The following PLPP1 variants were observed in gnomAD, a reference collection of about 807,000 sequenced individuals.
The protein encoded by PLPP1 is lipid phosphate phosphohydrolase 1a.
In PLPP1, 24 loss-of-function variants were observed where a neutral mutation model predicts 31.2. The ratio of observed to expected loss-of-function variants is 0.77; its 90% CI spans 0.56 to 1.08. The LOEUF (loss-of-function observed/expected upper bound fraction) is 1.08, where lower values mean the gene tolerates loss of function less well. Ranked by LOEUF, PLPP1 falls within the 50% of genes least tolerant of loss-of-function variation. The pLI is 0.00. For synonymous variants in PLPP1, 146 were observed against 126.3 expected (o/e 1.16, Z -1.05); for missense variants, 319 against 342.7 (o/e 0.93, Z 0.55).
intron 1 of PLPP1, among the ~76,000 whole-genome samples, chr5:55,529,468 G>A (rs1740581308): frequency 6.6e-6 from 1 of 151,846 alleles, no homozygotes; most frequent in African/African-American, 2.4e-5. Context: ...GTATATTCTA[G>A]GCTTACAAAT....
At chr5:55,457,641 A>T (rs1038206957) in intron 3 of PLPP1, among the ~76,000 whole-genome samples, 24 of 152,210 alleles carry the variant, frequency 1.6e-4, no homozygotes, top group Non-Finnish European at 1.5e-5. Flanking sequence ...CTGTAATCCC[A>T]GCACTCTGGG....
intron 1 of PLPP1, among the ~76,000 whole-genome samples, chr5:55,478,192 A>G (rs898953469): frequency 6.6e-6 from 1 of 152,138 alleles, no homozygotes; most frequent in African/African-American, 2.4e-5. Flanking sequence ...GTTAGAAACT[A>G]TTCTTAGATT....
Position 55,467,873 on chromosome 5 carries a change from C to T in PLPP1, c.487G>A (p.Gly163Ser). 1 of 1,608,644 alleles carries T rather than the reference C, an allele frequency of 6.2e-7. No individual in the cohort carries two copies. The highest frequency in any genetic ancestry group is 1.1e-5 in the South Asian group (1 of 90,226). ...CATTAGCGATTTAACACTCACCTGC[C>T]TTCCTTAACTCTTTCTGCATTCCCT... ...CRGNAERVKE[G>S]RLSFYSGHSS... The change falls in exon 3 of 6, where the codon GGC (glycine) becomes AGC (serine). Residue 163 changes from glycine (G) to serine (S), a missense_variant. Physicochemically the swap from Gly to Ser is moderately conservative, Grantham distance 56 (BLOSUM62 0). Transcript: ENST00000307259.
intron 1 of PLPP1, among the ~76,000 whole-genome samples, chr5:55,482,471 AC>A (rs1412273660): frequency 1.3e-5 from 2 of 152,178 alleles, no homozygotes; most frequent in East Asian, 3.9e-4. Flanking sequence ...ATTACATGCC[AC>A]TAAGGTTACA....
intron 2 of PLPP1, among the ~76,000 whole-genome samples, chr5:55,470,626 A>T (rs998464358): frequency 1.3e-5 from 2 of 152,240 alleles, no homozygotes; most frequent in African/African-American, 4.8e-5. Context: ...GCAGACAATA[A>T]AGAAGTTCTA....
At chr5:55,468,401 C>A (rs1299933336) in intron 2 of PLPP1, 1 of 343,882 alleles carries the variant, frequency 2.9e-6, no homozygotes, top group Admixed American at 4.4e-5. Flanking sequence ...TCATCACTTA[C>A]CTAAAATAAC....
chr5:55,469,522 A>G (rs1002925191), intron 2 of PLPP1, among the ~76,000 whole-genome samples: 7 of 152,010 alleles, frequency 4.6e-5, no homozygotes, highest in African/African-American at 1.7e-4. Context: ...AAAAAAAAAA[A>G]AAAACCACTT....
At chr5:55,499,662 T>A (rs908544937) in intron 1 of PLPP1, among the ~76,000 whole-genome samples, 4 of 140,424 alleles carry the variant, frequency 2.8e-5, no homozygotes, top group Non-Finnish European at 6.1e-5. Context: ...AGACTGTGAG[T>A]CTTTAGAGTT....
chr5:55,425,994 G>C lies in PLPP1; in HGVS notation c.595C>G (p.Arg199Gly), dbSNP rs775146143. ...RMKGDWARLL[R>G]PTLQFGLVAV... The stretch of plus-strand genomic sequence containing the variant: ...ACAAGACCAAATTGCAGTGTGGGGC[G>C]TAAGAGTCTTGCCCAGTCTCCCTTC... Residue 199 changes from arginine (R) to glycine (G), a missense_variant, in exon 5 of 6, where the codon CGC (arginine) becomes GGC (glycine). Coordinates refer to ENST00000307259, the MANE Select transcript of PLPP1 (RefSeq NM_003711.4). 5.0e-6 allele frequency: 8 copies of C among 1,612,720 alleles called. No individual in the cohort carries two copies. Among genetic ancestry groups the C allele is most frequent in the African/African-American group, 1.3e-5 (1 of 74,828 alleles).
At chr5:55,426,506 A>G (rs144872284) in intron 4 of PLPP1, among the ~76,000 whole-genome samples, 386 of 152,116 alleles carry the variant, frequency 2.5e-3, no homozygotes, top group Non-Finnish European at 4.3e-3. Flanking sequence ...GGCTCAAGCA[A>G]TCTTTCCATG....
chr5:55,496,197 G>C (rs962564017), intron 1 of PLPP1, among the ~76,000 whole-genome samples: 27 of 150,908 alleles, frequency 1.8e-4, no homozygotes, highest in African/African-American at 6.6e-4. Context: ...GTAGTGATGA[G>C]AGTTCTGTGT....
Position 55,434,624 on chromosome 5 carries a change from AC to A in PLPP1, c.549+7226del, listed in dbSNP as rs765713580. On this transcript the variant is annotated intron_variant, in intron 4 of 5. Transcript: ENST00000307259. Reference sequence around the variant, plus strand: ...CAGAATAGATACCAGAAATAAGTCCACGTATTTACAGCCAACTGACTTTTGA... The same window carrying A: ...CAGAATAGATACCAGAAATAAGTCCAGTATTTACAGCCAACTGACTTTTGA... 3.2e-4 allele frequency among the ~76,000 whole-genome samples: 49 copies of A among 152,304 alleles called. 1 individual carries two copies. The highest frequency in any genetic ancestry group is 3.4e-3 in the Middle Eastern group (1 of 294).
At chr5:55,515,397 G>A (rs972709110) in intron 1 of PLPP1, among the ~76,000 whole-genome samples, 1 of 152,190 alleles carries the variant, frequency 6.6e-6, no homozygotes, top group Non-Finnish European at 1.5e-5. Context: ...GCTAGCCTGT[G>A]CTTGTTATTT....
intron 1 of PLPP1, chr5:55,490,944 T>A: frequency 6.2e-7 from 1 of 1,601,570 alleles, no homozygotes; most frequent in African/African-American, 1.3e-5. Context: ...CACTACCTAC[T>A]TATTAATTTA....
chr5:55,521,078 G>C (rs983785725), intron 1 of PLPP1, among the ~76,000 whole-genome samples: 1 of 151,954 alleles, frequency 6.6e-6, no homozygotes, highest in African/African-American at 2.4e-5. Flanking sequence ...CGGAGCTGGG[G>C]GCGGTGGCTC....
chr5:55,483,185 TAA>T (rs1311188252), intron 1 of PLPP1, among the ~76,000 whole-genome samples: 1 of 152,164 alleles, frequency 6.6e-6, no homozygotes, highest in Non-Finnish European at 1.5e-5. Context: ...TAATATTTCT[TAA>T]AAAGTCGTAT....
intron 1 of PLPP1, among the ~76,000 whole-genome samples, chr5:55,502,507 C>T (rs1753170075): frequency 6.6e-6 from 1 of 151,698 alleles, no homozygotes; most frequent in African/African-American, 2.4e-5. Context: ...AAAAAATGTC[C>T]AATACAATGT....
At chr5:55,491,977 CA>C (rs33983709) in intron 1 of PLPP1, among the ~76,000 whole-genome samples, 118,553 of 151,506 alleles carry the variant, frequency 0.78, 47,390 homozygotes, top group Non-Finnish European at 0.87. Context: ...TTTCCAAAGA[CA>C]AACAAACACC....
At chr5:55,505,386 G>C (rs1753251724) in intron 1 of PLPP1, among the ~76,000 whole-genome samples, 2 of 151,024 alleles carry the variant, frequency 1.3e-5, no homozygotes, top group Admixed American at 1.3e-4. Flanking sequence ...TTGAGGCCAG[G>C]AGTTCAAGAC....
Sources: allele counts gnomAD v4.1 joint callset (sites outside exome capture counted in the v4.1 genomes callset), GRCh38; gene constraint gnomAD v4.1.1; transcripts MANE v1.5; gene names NCBI Gene and HGNC (gene_info 2026-07-23, HGNC 2026-07-21).